Variants in CDK19 observed in about 807,000 individuals in gnomAD.
CDK19 encodes cyclin dependent kinase 19.
CDK19 carries 20 observed loss-of-function variants against 68.3 expected under a neutral mutation model. That is an observed-to-expected ratio of 0.29 (90% CI 0.21 to 0.43). The LOEUF (loss-of-function observed/expected upper bound fraction) is 0.43. Among genes scored for constraint, CDK19 ranks in the 20% least tolerant of loss-of-function variants. The pLI is 1.00. For missense variants in CDK19, 339 were observed against 623.5 expected (o/e 0.54, Z 4.86); for synonymous variants, 221 against 222.8 (o/e 0.99, Z 0.07).
chr6:110,632,185 A>G, intron 5 of CDK19, 24 bp from the exon 6 acceptor site: 1 of 1,555,334 alleles, frequency 6.4e-7, no homozygotes, highest in East Asian at 2.3e-5. Context: ...ATAAATTAAC[A>G]TAAAATTCAG....
chr6:110,769,346 T>C (rs552221858), intron 1 of CDK19, among the ~76,000 whole-genome samples: 365 of 150,810 alleles, frequency 2.4e-3, no homozygotes, highest in Admixed American at 8.7e-3. Context: ...AGGTGGATCA[T>C]CTGAGGTCCG....
At chr6:110,622,054 C>A in intron 11 of CDK19, 34 bp downstream of exon 11, 1 of 1,345,866 alleles carries the variant, frequency 7.4e-7, no homozygotes. Flanking sequence ...CTCCCTTGCT[C>A]TTTGGAAGTG....
In CDK19 at chr6:110,610,694, C is replaced by T. The variant is rs1162100067; in HGVS notation, c.*3841G>A. The T allele has an allele frequency of 6.6e-6, 1 of 152,180 alleles. No homozygotes were observed. Among genetic ancestry groups the T allele is most frequent in the Non-Finnish European group, 1.5e-5 (1 of 68,026 alleles). 9.4% of individuals were successfully genotyped at this position (152,180 alleles called of 1,614,324 possible). On this transcript the variant is annotated 3_prime_UTR_variant, in exon 13 of 13. Coordinates refer to ENST00000368911, the MANE Select transcript of CDK19 (RefSeq NM_015076.5). ...ATCCTTCAAGCCTCTGTTGGTCTAACTGCCATTTCACTGCCTTTCTCTACT... is the reference window on the plus strand; with the variant it reads ...ATCCTTCAAGCCTCTGTTGGTCTAATTGCCATTTCACTGCCTTTCTCTACT...
intron 1 of CDK19, among the ~76,000 whole-genome samples, chr6:110,808,891 C>T (rs1365307908): frequency 2.0e-5 from 3 of 152,028 alleles, no homozygotes; most frequent in African/African-American, 7.2e-5. Context: ...GCCTATTTTC[C>T]TTAGCAATAT....
intron 1 of CDK19, among the ~76,000 whole-genome samples, chr6:110,749,309 C>T (rs752936095): frequency 5.3e-5 from 8 of 152,112 alleles, no homozygotes; most frequent in Non-Finnish European, 1.0e-4. Flanking sequence ...GTGAACATTA[C>T]GTAACAAAAT....
At chr6:110,658,032 T>C (rs2114330308) in intron 4 of CDK19, among the ~76,000 whole-genome samples, 1 of 152,298 alleles carries the variant, frequency 6.6e-6, no homozygotes, top group Admixed American at 6.5e-5. Context: ...ATAGCCCATG[T>C]CTAGAAAACA....
At chr6:110,765,149 G>T (rs1779488346) in intron 1 of CDK19, among the ~76,000 whole-genome samples, 1 of 151,788 alleles carries the variant, frequency 6.6e-6, no homozygotes, top group Admixed American at 6.6e-5. Flanking sequence ...CAGGCATGGT[G>T]GCTCATGCCT....
intron 2 of CDK19, among the ~76,000 whole-genome samples, chr6:110,688,026 T>G (rs1772637356): frequency 6.6e-6 from 1 of 152,154 alleles, no homozygotes; most frequent in Non-Finnish European, 1.5e-5. Flanking sequence ...CAGTGTAAGT[T>G]CTGGTCACAT....
chr6:110,617,629 AT>A (rs1228242235), intron 12 of CDK19, among the ~76,000 whole-genome samples: 1 of 146,244 alleles, frequency 6.8e-6, no homozygotes, highest in Non-Finnish European at 1.5e-5. Flanking sequence ...ACTTAAAAAA[AT>A]AATAATAATA....
intron 12 of CDK19, among the ~76,000 whole-genome samples, chr6:110,619,367 G>A (rs1778564500): frequency 6.6e-6 from 1 of 152,126 alleles, no homozygotes; most frequent in Non-Finnish European, 1.5e-5. Flanking sequence ...AGGCAGTCAA[G>A]GTTTTAACCA....
At chr6:110,626,708 A>T in intron 8 of CDK19, 68 bp downstream of exon 8, 1 of 949,018 alleles carries the variant, frequency 1.1e-6, no homozygotes, top group Admixed American at 2.4e-5. Flanking sequence ...TGTTGTTTAT[A>T]AATTACCCAG....
chr6:110,815,166 G>GC lies in CDK19; in HGVS notation c.-31dup. 1 of 1,560,540 alleles carries GC rather than the reference G, an allele frequency of 6.4e-7. No homozygotes were observed. Among genetic ancestry groups the GC allele is most frequent in the Non-Finnish European group, 8.7e-7 (1 of 1,154,914 alleles). ...TGCTTCCCCCATAGAGGCACGGGAC[G>GC]CGGGGGCCGCCGCCGCTCAGTCCCT... On this transcript the variant is annotated 5_prime_UTR_variant, in exon 1 of 13. Transcript: ENST00000368911.
At chr6:110,666,144 G>A (rs1437411152) in intron 4 of CDK19, among the ~76,000 whole-genome samples, 3 of 146,036 alleles carry the variant, frequency 2.1e-5, no homozygotes, top group African/African-American at 7.4e-5. Context: ...GGCTGGGCAC[G>A]GTGGCTCACA....
chr6:110,778,477 G>A (rs1428927357), intron 1 of CDK19, among the ~76,000 whole-genome samples: 1 of 152,152 alleles, frequency 6.6e-6, no homozygotes. Flanking sequence ...AACCACTGGA[G>A]TCCTCTAGGT....
intron 4 of CDK19, among the ~76,000 whole-genome samples, chr6:110,660,461 G>A (rs1017850497): frequency 1.3e-5 from 2 of 152,164 alleles, no homozygotes; most frequent in African/African-American, 4.8e-5. Context: ...TCAGTGGAGG[G>A]TTGGTGTGAC....
At chr6:110,683,794 C>T (rs747395801) in intron 2 of CDK19, among the ~76,000 whole-genome samples, 3 of 150,806 alleles carry the variant, frequency 2.0e-5, no homozygotes, top group Non-Finnish European at 4.4e-5. Context: ...CTCCACTTCC[C>T]GGGTTGAAGT....
chr6:110,644,351 A>T (rs1042822300), intron 4 of CDK19, among the ~76,000 whole-genome samples: 1 of 152,050 alleles, frequency 6.6e-6, no homozygotes, highest in Admixed American at 6.6e-5. Context: ...AAATATGGTT[A>T]CCAGAGGCGG....
intron 2 of CDK19, among the ~76,000 whole-genome samples, chr6:110,735,026 T>C (rs1202431602): frequency 6.6e-6 from 1 of 152,150 alleles, no homozygotes; most frequent in Admixed American, 6.5e-5. Context: ...CCCTTATTCA[T>C]TAAATCACAC....
At chr6:110,684,651 T>G (rs1274086910) in intron 2 of CDK19, among the ~76,000 whole-genome samples, 1 of 152,124 alleles carries the variant, frequency 6.6e-6, no homozygotes, top group Non-Finnish European at 1.5e-5. Context: ...AATCTCAATC[T>G]CTAGCCCTAA....
Sources: allele counts gnomAD v4.1 joint callset (sites outside exome capture counted in the v4.1 genomes callset), GRCh38; gene constraint gnomAD v4.1.1; transcripts MANE v1.5; gene names NCBI Gene and HGNC (gene_info 2026-07-23, HGNC 2026-07-21).